GRIP1: variants seen among roughly 807,000 people sequenced by gnomAD.
GRIP1 encodes glutamate receptor interacting protein 1, also known as glutamate receptor-interacting protein 1.
In GRIP1, 45 loss-of-function variants were observed where a neutral mutation model predicts 129.9. The ratio of observed to expected loss-of-function variants is 0.35; its 90% confidence interval spans 0.27 to 0.44. GRIP1 has a LOEUF of 0.44. Among genes scored for constraint, GRIP1 ranks in the 20% least tolerant of loss-of-function variants. The pLI is 1.00. For synonymous variants in GRIP1, 530 were observed against 520.8 expected, an observed-to-expected ratio of 1.02 and a Z score of -0.24; for missense variants, 1,196 against 1,396.8, an observed-to-expected ratio of 0.86 and a Z score of 2.29.
intron 1 of GRIP1, among the ~76,000 whole-genome samples, chr12:66,647,715 A>C (rs560919500): frequency 5.9e-5 from 9 of 152,354 alleles, no homozygotes; most frequent in African/African-American, 2.2e-4. Flanking sequence ...ATGGTAAAAA[A>C]TCTTTTGACT....
At chr12:66,812,417 G>A (rs1293684170) in intron 1 of GRIP1, among the ~76,000 whole-genome samples, 3 of 152,238 alleles carry the variant, frequency 2.0e-5, no homozygotes, top group Non-Finnish European at 2.9e-5. Flanking sequence ...TTATAGGTGT[G>A]AGCCACTGTG....
At chr12:66,542,066 C>T in intron 2 of GRIP1, 116 bp from the exon 3 acceptor site, 1 of 882,676 alleles carries the variant, frequency 1.1e-6, no homozygotes, top group Non-Finnish European at 1.9e-6. Flanking sequence ...TTTATGGCCT[C>T]CTTCCATTGT....
At chr12:66,374,421 C>T (rs903384482) in intron 22 of GRIP1, among the ~76,000 whole-genome samples, 65 of 152,250 alleles carry the variant, frequency 4.3e-4, no homozygotes, top group African/African-American at 1.5e-3. Flanking sequence ...CTCCTGACCT[C>T]AGGTGATCCA....
chr12:66,590,792 G>C (rs922883935), intron 2 of GRIP1, among the ~76,000 whole-genome samples: 1 of 152,094 alleles, frequency 6.6e-6, no homozygotes, highest in African/African-American at 2.4e-5. Flanking sequence ...ATTAGTCTTG[G>C]GCAGCAGGCA....
chr12:66,869,294 G>A (rs564893386), intron 1 of GRIP1, among the ~76,000 whole-genome samples: 4 of 152,042 alleles, frequency 2.6e-5, no homozygotes, highest in South Asian at 2.1e-4. Context: ...TCTGTTGGGG[G>A]AAATACTGCT....
intron 5 of GRIP1, among the ~76,000 whole-genome samples, chr12:66,525,316 A>G: frequency 6.6e-6 from 1 of 152,196 alleles, no homozygotes; most frequent in Non-Finnish European, 1.5e-5. Context: ...GCAGCACATC[A>G]AAAAGCTTAT....
rs371607022 is a variant in GRIP1 at position 66,593,570 on chromosome 12, A to C, written c.136+3277T>G. ...GCACCAGATCTACATTTATAGAATA[A>C]GTTTCAAAGAACAGCTTAAAATATC... On this transcript the variant is annotated intron_variant, in intron 2 of 24. Coordinates refer to ENST00000359742, the MANE Select transcript of GRIP1 (RefSeq NM_001366722.1). 3.9e-5 allele frequency among the ~76,000 whole-genome samples: 6 copies of C among 152,210 alleles called. No homozygotes were observed. In the East Asian group the frequency reaches 5.8e-4, roughly 15 times the overall value.
intron 1 of GRIP1, among the ~76,000 whole-genome samples, chr12:66,834,769 T>C (rs1456079191): frequency 6.6e-6 from 1 of 151,860 alleles, no homozygotes; most frequent in Admixed American, 6.6e-5. Context: ...AAAGAAAGAA[T>C]TGCCTATAGT....
At chr12:66,838,755 G>A (rs908289623) in intron 1 of GRIP1, among the ~76,000 whole-genome samples, 36 of 152,156 alleles carry the variant, frequency 2.4e-4, no homozygotes, top group Admixed American at 2.2e-3. Context: ...TGGTGACTGG[G>A]CAAGAGAGAA....
intron 1 of GRIP1, among the ~76,000 whole-genome samples, chr12:66,880,228 G>T (rs528743697): frequency 6.6e-6 from 1 of 152,236 alleles, no homozygotes; most frequent in African/African-American, 2.4e-5. Context: ...ACAAAGGAAG[G>T]AGCAGATGGA....
chr12:66,915,482 G>A (rs1300279703), intron 1 of GRIP1, among the ~76,000 whole-genome samples: 1 of 152,164 alleles, frequency 6.6e-6, no homozygotes, highest in Non-Finnish European at 1.5e-5. Flanking sequence ...ACAAAGGCGA[G>A]TGAGACGGAA....
intron 1 of GRIP1, among the ~76,000 whole-genome samples, chr12:66,938,886 G>C (rs1409994010): frequency 6.6e-6 from 1 of 152,186 alleles, no homozygotes; most frequent in Non-Finnish European, 1.5e-5. Flanking sequence ...GAACCTGGGA[G>C]GTGGAGGTTG....
At chr12:66,751,443 C>A (rs1040609390) in intron 1 of GRIP1, among the ~76,000 whole-genome samples, 2 of 152,152 alleles carry the variant, frequency 1.3e-5, no homozygotes, top group African/African-American at 4.8e-5. Flanking sequence ...CTCTTGCACA[C>A]ACTTCAGAAA....
chr12:66,913,834 G>A (rs2041073173), intron 1 of GRIP1, among the ~76,000 whole-genome samples: 1 of 152,034 alleles, frequency 6.6e-6, no homozygotes, highest in Admixed American at 6.6e-5. Context: ...ATATTATACT[G>A]TTCATATCAT....
chr12:66,943,391 T>C (rs555535811), intron 1 of GRIP1, among the ~76,000 whole-genome samples: 1 of 152,284 alleles, frequency 6.6e-6, no homozygotes, highest in Admixed American at 6.5e-5. Flanking sequence ...GAGAGGATAT[T>C]TGAGTGATGT....
rs2039821016 is a variant in GRIP1, at chr12:66,846,623, A to G, written c.58+222427T>C. Among the ~76,000 whole-genome samples, 3 of 152,364 alleles carry G rather than the reference A, an allele frequency of 2.0e-5. No individual in the cohort carries two copies. The South Asian group carries it at 6.2e-4, about 32-fold the overall frequency. The stretch of plus-strand genomic sequence containing the variant: ...TGAATATGTTTCTTACCTTGATTGT[A>G]GTGATAGTATCACAGGTGTGTGCAC... On this transcript the variant is annotated intron_variant, in intron 1 of 1. Coordinates refer to the GRIP1 transcript ENST00000643019.
chr12:66,511,015 G>A (rs539617943), intron 7 of GRIP1, among the ~76,000 whole-genome samples: 2 of 152,264 alleles, frequency 1.3e-5, no homozygotes, highest in African/African-American at 4.8e-5. Flanking sequence ...TGGTTTGGCT[G>A]TGTCCCCATC....
At chr12:66,755,635 A>T (rs1462472526) in intron 1 of GRIP1, among the ~76,000 whole-genome samples, 1 of 152,056 alleles carries the variant, frequency 6.6e-6, no homozygotes, top group Non-Finnish European at 1.5e-5. Flanking sequence ...TGTTCTCTTG[A>T]GGCTGTGGCT....
intron 11 of GRIP1, among the ~76,000 whole-genome samples, chr12:66,448,387 C>T (rs1408953382): frequency 6.6e-6 from 1 of 152,160 alleles, no homozygotes; most frequent in Non-Finnish European, 1.5e-5. Flanking sequence ...ATCCTCTTTT[C>T]CCTTATTAAT....
Sources: gnomAD v4.1 joint callset for allele counts (sites outside exome capture counted in the v4.1 genomes callset) on GRCh38, gnomAD v4.1.1 for gene constraint, MANE v1.5 for transcripts, NCBI Gene and HGNC (gene_info 2026-07-23, HGNC 2026-07-21) for gene names.